The following AGAP1 variants were observed in gnomAD, a reference collection of about 807,000 sequenced individuals.
AGAP1 encodes ArfGAP with GTPase domain, ankyrin repeat and PH domain 1.
A neutral mutation model predicts 105.3 loss-of-function variants in AGAP1; 29 were observed. The observed-to-expected ratio is 0.28, with a 90% confidence interval of 0.21 to 0.38. The LOEUF is 0.38. Among genes scored for constraint, AGAP1 ranks in the 10% least tolerant of loss-of-function variants. AGAP1 has a pLI of 1.00. For missense variants in AGAP1, 998 were observed against 1,165.1 expected, an observed-to-expected ratio of 0.86 and a Z score of 2.09; for synonymous variants, 509 against 485.9, an observed-to-expected ratio of 1.05 and a Z score of -0.63.
rs749786311 is a variant in AGAP1, at chr2:235,631,026, C to T, written c.164-78153C>T. On this transcript the variant is annotated intron_variant, in intron 1 of 17. Coordinates refer to ENST00000304032, the MANE Select transcript of AGAP1 (RefSeq NM_001037131.3). This position sits in a 1 kb window ranked among gnomAD's most constrained non-coding sequence, Gnocchi z 5.4. ...GGTAACTGTGAATCGTGTCGTAAAA[C>T]GCGTCTTTGGCCTGTCAAAAATATT... 4.6e-5 allele frequency among the ~76,000 whole-genome samples: 7 copies of T among 152,182 alleles called. No homozygotes were observed. The highest frequency in any genetic ancestry group is 2.1e-4 in the South Asian group (1 of 4,834).
At chr2:236,099,218 C>T (rs575512665) in intron 16 of AGAP1, among the ~76,000 whole-genome samples, 1 of 151,748 alleles carries the variant, frequency 6.6e-6, no homozygotes, top group Non-Finnish European at 1.5e-5. Flanking sequence ...TTTGGGAGGC[C>T]GAGGGAGGCG....
At position 235,621,415 on chromosome 2, in the gene AGAP1, C is replaced by A. The variant is rs566428326; in HGVS notation, c.164-87764C>A. Among the ~76,000 whole-genome samples the A allele has an allele frequency of 5.9e-5, 9 of 152,294 alleles. No individual in the cohort carries two copies. In the South Asian group the frequency reaches 6.2e-4, roughly 11 times the overall value. On this transcript the variant is annotated intron_variant, in intron 1 of 17. Coordinates refer to ENST00000304032, the MANE Select transcript of AGAP1 (RefSeq NM_001037131.3). This position sits in a 1 kb window ranked among gnomAD's most constrained non-coding sequence, Gnocchi z 4.1. Reference sequence around the variant, plus strand: ...CTACCTCCCAGAGTGGTTGGGGTTACGTGAAGTAAGCTTAGACACGGCCGA... The same window carrying A: ...CTACCTCCCAGAGTGGTTGGGGTTAAGTGAAGTAAGCTTAGACACGGCCGA...
chr2:235,672,318 C>T (rs1437268392), intron 1 of AGAP1, among the ~76,000 whole-genome samples: 3 of 152,156 alleles, frequency 2.0e-5, no homozygotes, highest in Non-Finnish European at 2.9e-5. Context: ...TAATATGCTC[C>T]TAATGATCCT....
chr2:235,950,093 TGGGATGGG>T (rs1466925877), intron 12 of AGAP1, among the ~76,000 whole-genome samples: 2 of 152,100 alleles, frequency 1.3e-5, no homozygotes, highest in Non-Finnish European at 2.9e-5. Flanking sequence ...AAAAGCCATT[TGGGATGGG>T]TGAAGGTCCA....
chr2:235,689,288 G>A lies in AGAP1; in HGVS notation c.164-19891G>A, dbSNP rs541183837. Among the ~76,000 whole-genome samples the A allele has an allele frequency of 6.6e-6, 1 of 152,314 alleles. No homozygotes were observed. Among genetic ancestry groups the A allele is most frequent in the East Asian group, 1.9e-4 (1 of 5,166 alleles). On this transcript the variant is annotated intron_variant, in intron 1 of 17. Transcript: ENST00000304032. This position sits in a 1 kb window ranked among gnomAD's most constrained non-coding sequence, Gnocchi z 4.2. Reference sequence around the variant, plus strand: ...AGCTAGAGCAAGAGCAATGGAGAGAGTGAGGTTGCCGTGTCCACAAGTCAC... The same window carrying A: ...AGCTAGAGCAAGAGCAATGGAGAGAATGAGGTTGCCGTGTCCACAAGTCAC...
chr2:235,837,080 G>A (rs528534570), intron 9 of AGAP1, among the ~76,000 whole-genome samples: 18 of 152,154 alleles, frequency 1.2e-4, no homozygotes, highest in Admixed American at 1.2e-3. Context: ...CCGCCTCCGG[G>A]GTTCAAGAGA....
chr2:235,583,053 A>G (rs561521482), intron 1 of AGAP1, among the ~76,000 whole-genome samples: 1 of 152,306 alleles, frequency 6.6e-6, no homozygotes, highest in East Asian at 1.9e-4. Context: ...CATTTTCTAG[A>G]ATAAACTTCA....
At chr2:235,605,642 A>G (rs1259025039) in intron 1 of AGAP1, among the ~76,000 whole-genome samples, 2 of 152,270 alleles carry the variant, frequency 1.3e-5, no homozygotes, top group Non-Finnish European at 2.9e-5. Context: ...AAATGCAGGC[A>G]CAGAAAAATT....
rs528733731 is a variant in AGAP1, at chr2:236,076,721, C to T, written c.2114+27440C>T. Among the ~76,000 whole-genome samples, 21 of 152,226 alleles carry T rather than the reference C, an allele frequency of 1.4e-4. 1 individual carries two copies. The highest frequency in any genetic ancestry group is 4.6e-4 in the Admixed American group (7 of 15,284). ...AAACCACTAAAGAGGGAAGCCCCAG[C>T]GCTATGAGCATACCTGGCAACAGAC... On this transcript the variant is annotated intron_variant, in intron 16 of 17. Transcript: ENST00000304032. This position sits in a 1 kb window ranked among gnomAD's most constrained non-coding sequence, Gnocchi z 4.4.
chr2:235,852,869 T>C, intron 9 of AGAP1: 1 of 1,399,102 alleles, frequency 7.1e-7, no homozygotes, highest in Middle Eastern at 1.9e-4. Flanking sequence ...GGAGTTAACA[T>C]AGAGGTGAAC....
rs1218052431 is a variant in AGAP1 at position 235,967,685 on chromosome 2, G to A, written c.1484-777G>A. 1.3e-5 allele frequency among the ~76,000 whole-genome samples: 2 copies of A among 152,188 alleles called. No homozygotes were observed. On this transcript the variant is annotated intron_variant, in intron 12 of 17. Coordinates refer to ENST00000304032, the MANE Select transcript of AGAP1 (RefSeq NM_001037131.3). This position sits in a 1 kb window ranked among gnomAD's most constrained non-coding sequence, Gnocchi z 4.7. ...CATGCACCACCTGTTTTTCCTGCACGTTTTCAGTGGGCTTTTTTCCACCCG... is the reference window on the plus strand; with the variant it reads ...CATGCACCACCTGTTTTTCCTGCACATTTTCAGTGGGCTTTTTTCCACCCG...
intron 12 of AGAP1, among the ~76,000 whole-genome samples, chr2:235,935,906 G>A (rs1339479796): frequency 1.3e-5 from 2 of 152,154 alleles, no homozygotes; most frequent in Admixed American, 6.5e-5. Context: ...GTTGAGATGC[G>A]TCACACCTGT....
In AGAP1 at chr2:235,978,520, T is replaced by G. The variant is rs1575951845; in HGVS notation, c.1645+9897T>G. On this transcript the variant is annotated intron_variant, in intron 13 of 17. Coordinates refer to ENST00000304032, the MANE Select transcript of AGAP1 (RefSeq NM_001037131.3). ...AACAACCCTGTGTGGTGTTGGCAGG[T>G]GGGTGGTGGCATTTCTGTTGTCACA... Among the ~76,000 whole-genome samples the G allele has an allele frequency of 2.6e-5, 4 of 152,158 alleles. No homozygotes were observed. The South Asian group carries it at 6.2e-4, about 24-fold the overall frequency.
Position 235,855,453 on chromosome 2 carries a change from A to G in AGAP1, c.1051-27892A>G, listed in dbSNP as rs953043798. Among the ~76,000 whole-genome samples the G allele has an allele frequency of 1.3e-5, 2 of 152,250 alleles. No homozygotes were observed. The highest frequency in any genetic ancestry group is 2.4e-5 in the African/African-American group (1 of 41,464). Reference sequence around the variant, plus strand: ...TAGATGTCCTTATTCATTCAGTTACAGATTTATCATTTTTCAAACCAAATT... The same window carrying G: ...TAGATGTCCTTATTCATTCAGTTACGGATTTATCATTTTTCAAACCAAATT... On this transcript the variant is annotated intron_variant, in intron 9 of 17. Transcript: ENST00000304032. This position sits in a 1 kb window ranked among gnomAD's most constrained non-coding sequence, Gnocchi z 5.0.
chr2:235,652,491 G>T (rs149543258), intron 1 of AGAP1, among the ~76,000 whole-genome samples: 2 of 152,164 alleles, frequency 1.3e-5, no homozygotes, highest in African/African-American at 2.4e-5. Context: ...GCCTCTATCT[G>T]TCTGGGGGTG....
rs1271615985 is a variant in AGAP1 at position 236,045,238 on chromosome 2, C to G, written c.1892-3821C>G. On this transcript the variant is annotated intron_variant, in intron 15 of 17. Transcript: ENST00000304032. The surrounding 1 kb of genome is among the most constrained non-coding windows in gnomAD (Gnocchi z 6.9). Reference sequence around the variant, plus strand: ...GCCTAGTTTTTTTTATTTTTTCCTGCTTGGTCTGTCCTCATAGAATCTACG... The same window carrying G: ...GCCTAGTTTTTTTTATTTTTTCCTGGTTGGTCTGTCCTCATAGAATCTACG... Among the ~76,000 whole-genome samples, 5 of 152,006 alleles carry G rather than the reference C, an allele frequency of 3.3e-5. No homozygotes were observed. Among genetic ancestry groups the G allele is most frequent in the Admixed American group, 3.3e-4 (5 of 15,242 alleles).
rs574560053 is a variant in AGAP1 at position 235,865,968 on chromosome 2, G to A, written c.1051-17377G>A. 9.2e-5 allele frequency among the ~76,000 whole-genome samples: 14 copies of A among 152,254 alleles called. No homozygotes were observed. The highest frequency in any genetic ancestry group is 2.1e-4 in the South Asian group (1 of 4,830). ...TATCGATTTACTTCTTTCACTTAAC[G>A]GCATTTTCTGCAGCTTGAATGAAAG... On this transcript the variant is annotated intron_variant, in intron 9 of 17. Transcript: ENST00000304032. This position sits in a 1 kb window ranked among gnomAD's most constrained non-coding sequence, Gnocchi z 6.2.
At position 235,845,261 on chromosome 2, in the gene AGAP1, C is replaced by A. The variant is rs1308919285; in HGVS notation, c.1050+37930C>A. Among the ~76,000 whole-genome samples the A allele has an allele frequency of 1.3e-5, 2 of 152,132 alleles. No homozygotes were observed. Among genetic ancestry groups the A allele is most frequent in the Non-Finnish European group, 2.9e-5 (2 of 68,010 alleles). On this transcript the variant is annotated intron_variant, in intron 9 of 17. Transcript: ENST00000304032. The surrounding 1 kb of genome is among the most constrained non-coding windows in gnomAD (Gnocchi z 4.8). ...GCAAGTACAGGGGAGACAGCCAGAC[C>A]CCTGCACAGGAGTCTAGAGGCTGAG...
rs536374218 is a variant in AGAP1, at chr2:236,056,749, G to A, written c.2114+7468G>A. 2.6e-5 allele frequency among the ~76,000 whole-genome samples: 4 copies of A among 152,224 alleles called. No homozygotes were observed. The East Asian group carries it at 7.7e-4, about 29-fold the overall frequency. On this transcript the variant is annotated intron_variant, in intron 16 of 17. Transcript: ENST00000304032. The surrounding 1 kb of genome is among the most constrained non-coding windows in gnomAD (Gnocchi z 4.6). Reference sequence around the variant, plus strand: ...GACAAAAACATGGCCGGAGCACACAGCGCCCTGTGTGCTTGGATTATCCCC... The same window carrying A: ...GACAAAAACATGGCCGGAGCACACAACGCCCTGTGTGCTTGGATTATCCCC...
Sources: gnomAD v4.1 joint callset for allele counts (sites outside exome capture counted in the v4.1 genomes callset) on GRCh38, gnomAD v4.1.1 for gene constraint, Gnocchi (gnomAD v3.1) non-coding constraint, MANE v1.5 for transcripts, NCBI Gene and HGNC (gene_info 2026-07-23, HGNC 2026-07-21) for gene names.